The following ARHGAP24 variants were observed in gnomAD, a reference collection of about 807,000 sequenced individuals.
ARHGAP24 encodes the protein Rho GTPase activating protein 24.
Under a neutral mutation model 76.4 loss-of-function variants are expected in ARHGAP24, and 50 were observed. That is an observed-to-expected ratio of 0.65 (90% CI 0.52 to 0.83). The LOEUF (loss-of-function observed/expected upper bound fraction) is 0.83. Ranked by LOEUF, ARHGAP24 falls within the 40% of genes least tolerant of loss-of-function variation. The probability of loss-of-function intolerance (pLI) is 0.00; values close to 1 mark genes in which losing one functional copy is unlikely to be tolerated. For synonymous variants in ARHGAP24, 345 were observed against 323.3 expected (o/e 1.07, Z -0.72); for missense variants, 930 against 914.2 (o/e 1.02, Z -0.22).
At chr4:85,765,385 T>C (rs1335091392) in intron 3 of ARHGAP24, among the ~76,000 whole-genome samples, 2 of 152,096 alleles carry the variant, frequency 1.3e-5, no homozygotes, top group African/African-American at 4.8e-5. Context: ...ATCTATGGAT[T>C]CAAGATGAAT....
chr4:86,001,309 A>T lies in ARHGAP24; in HGVS notation c.*587A>T, dbSNP rs187295473. ...TAGTTTTATAAAATACAGTCGAATCACCAGGAACCTTTGAGCTGCTTTTAA... is the reference window on the plus strand; with the variant it reads ...TAGTTTTATAAAATACAGTCGAATCTCCAGGAACCTTTGAGCTGCTTTTAA... On this transcript the variant is annotated 3_prime_UTR_variant, in exon 10 of 10. Coordinates refer to ENST00000395184, the MANE Select transcript of ARHGAP24 (RefSeq NM_001025616.3). The T allele has an allele frequency of 2.9e-4, 116 of 399,042 alleles. No individual in the cohort carries two copies. The highest frequency in any genetic ancestry group is 2.3e-3 in the African/African-American group (114 of 48,726). The allele number at this position is 399,042 out of a possible 1,614,324, so 24.7% of individuals were successfully genotyped here.
chr4:85,829,203 G>T (rs527376490), intron 3 of ARHGAP24, among the ~76,000 whole-genome samples: 169 of 151,838 alleles, frequency 1.1e-3, no homozygotes, highest in Admixed American at 5.0e-3. Context: ...AAGGAAAAAA[G>T]GAAATTTAAA....
chr4:85,484,815 C>T (rs1722954940), intron 1 of ARHGAP24, among the ~76,000 whole-genome samples: 3 of 151,982 alleles, frequency 2.0e-5, no homozygotes, highest in Admixed American at 2.0e-4. Context: ...TGGGGTTTCA[C>T]CATGTTGGCC....
intron 2 of ARHGAP24, among the ~76,000 whole-genome samples, chr4:85,703,215 G>A (rs1268118351): frequency 5.9e-5 from 9 of 152,096 alleles, no homozygotes; most frequent in Admixed American, 5.3e-4. Context: ...ATTCATTCAC[G>A]TGTTTTTTAT....
chr4:85,726,804 A>G (rs1310836354), intron 3 of ARHGAP24, among the ~76,000 whole-genome samples: 1 of 152,170 alleles, frequency 6.6e-6, no homozygotes, highest in African/African-American at 2.4e-5. Flanking sequence ...CTATGAGGCA[A>G]GCAATGTCAT....
intron 8 of ARHGAP24, among the ~76,000 whole-genome samples, chr4:85,989,405 CA>C (rs1320893785): frequency 1.3e-5 from 2 of 151,472 alleles, no homozygotes; most frequent in Non-Finnish European, 3.0e-5. Context: ...AACATTCCCA[CA>C]AAAACAAAAA....
At chr4:85,548,638 A>G (rs1339916643) in intron 1 of ARHGAP24, among the ~76,000 whole-genome samples, 1 of 152,236 alleles carries the variant, frequency 6.6e-6, no homozygotes, top group Non-Finnish European at 1.5e-5. Context: ...CAAATCTACT[A>G]ACTAGAATTC....
At chr4:85,751,245 T>G (rs1726251327) in intron 3 of ARHGAP24, among the ~76,000 whole-genome samples, 1 of 152,354 alleles carries the variant, frequency 6.6e-6, no homozygotes, top group East Asian at 1.9e-4. Flanking sequence ...AATTTACTTA[T>G]TCTTTTTAAT....
chr4:85,731,626 T>G (rs1264680564), intron 3 of ARHGAP24, among the ~76,000 whole-genome samples: 1 of 152,186 alleles, frequency 6.6e-6, no homozygotes, highest in Non-Finnish European at 1.5e-5. Context: ...TCTACACGAT[T>G]TTAAAAGTAG....
At chr4:85,701,957 A>C (rs1357214662) in intron 2 of ARHGAP24, among the ~76,000 whole-genome samples, 1 of 152,176 alleles carries the variant, frequency 6.6e-6, no homozygotes, top group Non-Finnish European at 1.5e-5. Context: ...GAGAGAACAA[A>C]ATAACCAGAG....
intron 3 of ARHGAP24, among the ~76,000 whole-genome samples, chr4:85,852,991 C>T (rs976338606): frequency 2.0e-5 from 3 of 152,204 alleles, no homozygotes; most frequent in Non-Finnish European, 2.9e-5. Context: ...GCTGGGAGAA[C>T]CACTGCTCTC....
intron 4 of ARHGAP24, among the ~76,000 whole-genome samples, chr4:85,928,447 GT>G (rs1578398307): frequency 6.6e-6 from 1 of 151,880 alleles, no homozygotes; most frequent in East Asian, 1.9e-4. Context: ...TTCATTAATA[GT>G]TTTTTTGTTT....
intron 3 of ARHGAP24, among the ~76,000 whole-genome samples, chr4:85,813,108 G>A (rs575595124): frequency 9.9e-5 from 15 of 152,088 alleles, no homozygotes; most frequent in African/African-American, 3.4e-4. Context: ...GAAGTACCTC[G>A]TTCCAAGATG....
intron 5 of ARHGAP24, among the ~76,000 whole-genome samples, chr4:85,963,651 A>G (rs1481988102): frequency 1.3e-5 from 2 of 152,076 alleles, no homozygotes; most frequent in African/African-American, 4.8e-5. Flanking sequence ...TCTTTAGTCT[A>G]AATTTTTAAT....
intron 4 of ARHGAP24, among the ~76,000 whole-genome samples, chr4:85,938,699 TATGTACATGTCTACATG>T (rs1736788971): frequency 6.6e-6 from 1 of 152,210 alleles, no homozygotes; most frequent in Non-Finnish European, 1.5e-5. Flanking sequence ...TTTTAAATCA[TATGTACATGTCTACATG>T]CCCTAAAACT....
Position 85,790,468 on chromosome 4 carries a change from T to C in ARHGAP24, c.268+68496T>C, listed in dbSNP as rs1039231578. Among the ~76,000 whole-genome samples, 66 of 152,204 alleles carry C rather than the reference T, an allele frequency of 4.3e-4. 2 individuals are homozygous for C. The highest frequency in any genetic ancestry group is 4.4e-5 in the Non-Finnish European group (3 of 68,034). ...AGATTTTAAGGGAAACTTATTTTTA[T>C]TGAAATTTACACTCATTCTGAGATA... is the stretch of plus-strand genomic sequence containing the variant. On this transcript the variant is annotated intron_variant, in intron 3 of 9. Transcript: ENST00000395184.
At chr4:85,817,972 T>C (rs1729311068) in intron 3 of ARHGAP24, among the ~76,000 whole-genome samples, 1 of 152,232 alleles carries the variant, frequency 6.6e-6, no homozygotes, top group Non-Finnish European at 1.5e-5. Flanking sequence ...TTTTCCCAAG[T>C]CTTATTTCAT....
chr4:85,713,921 G>T (rs1231188558), intron 2 of ARHGAP24, among the ~76,000 whole-genome samples: 4 of 152,166 alleles, frequency 2.6e-5, no homozygotes, highest in African/African-American at 9.6e-5. Context: ...ATATTACAGA[G>T]TGGTTCATAT....
intron 3 of ARHGAP24, among the ~76,000 whole-genome samples, chr4:85,805,387 C>T (rs779578325): frequency 1.1e-4 from 17 of 152,254 alleles, no homozygotes; most frequent in Non-Finnish European, 2.2e-4. Flanking sequence ...TACCCAGCCG[C>T]TTTGATAAAT....
Sources: allele counts gnomAD v4.1 joint callset (sites outside exome capture counted in the v4.1 genomes callset), GRCh38; gene constraint gnomAD v4.1.1; transcripts MANE v1.5; gene names NCBI Gene and HGNC (gene_info 2026-07-23, HGNC 2026-07-21).